The following OSBPL9 variants were observed in gnomAD, a reference collection of about 807,000 sequenced individuals.
OSBPL9 encodes oxysterol-binding protein-related protein 9.
OSBPL9 carries 40 observed loss-of-function variants against 106.6 expected under a neutral mutation model. That is an observed-to-expected ratio of 0.38 (90% CI 0.29 to 0.49). The LOEUF (loss-of-function observed/expected upper bound fraction) is 0.49. Ranked by LOEUF, OSBPL9 falls within the 20% of genes least tolerant of loss-of-function variation. OSBPL9 has a pLI of 0.97. For missense variants in OSBPL9, 609 were observed against 887.2 expected (o/e 0.69, Z 3.98); for synonymous variants, 269 against 295.4 (o/e 0.91, Z 0.92).
At chr1:51,618,091 C>T (rs1271100761) in intron 1 of OSBPL9, among the ~76,000 whole-genome samples, 1 of 151,884 alleles carries the variant, frequency 6.6e-6, no homozygotes, top group Admixed American at 6.6e-5. Flanking sequence ...CATCTCGGCT[C>T]ACTGCAACTT....
At chr1:51,756,204 A>G (rs563777471) in intron 8 of OSBPL9, 116 bp from the exon 9 acceptor site, 1 of 814,258 alleles carries the variant, frequency 1.2e-6, no homozygotes, top group South Asian at 1.6e-5. Flanking sequence ...GGAGGCAGAT[A>G]AATCATGTTC....
the OSBPL9 span, among the ~76,000 whole-genome samples, chr1:51,535,927 G>T: frequency 6.6e-6 from 1 of 151,952 alleles, no homozygotes; most frequent in Non-Finnish European, 1.5e-5. Context: ...AAGAGCTGCA[G>T]AAATATTACA....
In OSBPL9 at chr1:51,680,492, T is replaced by TA. The variant is rs914273582; in HGVS notation, c.241+10989dup. On this transcript the variant is annotated intron_variant, in intron 3 of 23. Transcript: ENST00000428468. ...CAACATGGTGAAACCCTGTCTCTAC[T>TA]AAAAAAAAAGAAAAAAAAATTTAGC... 1.4e-4 allele frequency among the ~76,000 whole-genome samples: 21 copies of TA among 149,150 alleles called. No homozygotes were observed. In the East Asian group the frequency reaches 2.2e-3, roughly 15 times the overall value.
rs146521235 is a variant in OSBPL9 at position 51,681,728 on chromosome 1, C to A, written c.241+12216C>A. The stretch of plus-strand genomic sequence containing the variant: ...GAATTGGTTCCAGGACCCCCACTCC[C>A]CACCCCCAGTACCAAAATCGCAGAT... On this transcript the variant is annotated intron_variant, in intron 3 of 23. Coordinates refer to ENST00000428468, the MANE Select transcript of OSBPL9 (RefSeq NM_024586.6). Among the ~76,000 whole-genome samples the A allele has an allele frequency of 2.3e-3, 356 of 152,198 alleles. 1 individual carries two copies. The highest frequency in any genetic ancestry group is 8.2e-3 in the African/African-American group (341 of 41,526).
chr1:51,615,256 AAAAC>A (rs1481801032), upstream of OSBPL9, among the ~76,000 whole-genome samples: 1 of 142,318 alleles, frequency 7.0e-6, no homozygotes, highest in Non-Finnish European at 1.5e-5. Context: ...CCATCTCAAA[AAAAC>A]AAAACAAAAC....
intron 1 of OSBPL9, among the ~76,000 whole-genome samples, chr1:51,620,574 A>G (rs1456219486): frequency 6.6e-6 from 1 of 152,194 alleles, no homozygotes; most frequent in Non-Finnish European, 1.5e-5. Context: ...GATTAGCCGT[A>G]TGAGCAGAGA....
At chr1:51,564,719 C>T in the OSBPL9 span, among the ~76,000 whole-genome samples, 8 of 152,180 alleles carry the variant, frequency 5.3e-5, no homozygotes, top group Admixed American at 3.3e-4. Flanking sequence ...TTTATGATTC[C>T]TAAGACAGAC....
intron 2 of OSBPL9, among the ~76,000 whole-genome samples, chr1:51,656,945 T>G (rs1646856841): frequency 6.6e-6 from 1 of 152,088 alleles, no homozygotes; most frequent in Non-Finnish European, 1.5e-5. Context: ...CCCAAAGCAT[T>G]GGAAATTACA....
chr1:51,596,737 G>A (rs752454582), intron 1 of OSBPL9, among the ~76,000 whole-genome samples: 2 of 152,012 alleles, frequency 1.3e-5, no homozygotes, highest in Admixed American at 6.6e-5. Context: ...CTGAGATCGT[G>A]CCACTGCACT....
At chr1:51,752,682 C>G (rs1669521399) in intron 8 of OSBPL9, 1 of 396,564 alleles carries the variant, frequency 2.5e-6, no homozygotes, top group Non-Finnish European at 5.0e-6. Flanking sequence ...GAGGGTCCTT[C>G]TCTTGGCCTG....
At chr1:51,565,368 C>T in the OSBPL9 span, among the ~76,000 whole-genome samples, 1 of 152,142 alleles carries the variant, frequency 6.6e-6, no homozygotes, top group Non-Finnish European at 1.5e-5. Flanking sequence ...CCTAACTAAC[C>T]ACTGTGCCTT....
At chr1:51,603,119 T>C (rs368572656) in intron 2 of OSBPL9, among the ~76,000 whole-genome samples, 2 of 152,158 alleles carry the variant, frequency 1.3e-5, no homozygotes, top group Non-Finnish European at 2.9e-5. Flanking sequence ...CGTGCCACTG[T>C]ACTCCAGCCT....
At chr1:51,645,262 C>T (rs144762424) in intron 1 of OSBPL9, among the ~76,000 whole-genome samples, 2 of 152,304 alleles carry the variant, frequency 1.3e-5, no homozygotes, top group African/African-American at 4.8e-5. Context: ...CACTTATCAC[C>T]AGCTGAAACT....
the OSBPL9 span, among the ~76,000 whole-genome samples, chr1:51,535,499 G>C: frequency 3.9e-5 from 6 of 152,020 alleles, no homozygotes; most frequent in African/African-American, 1.4e-4. Context: ...ATTTTCTAAA[G>C]AGTTATCTCC....
chr1:51,637,590 A>G (rs533567340), intron 1 of OSBPL9, among the ~76,000 whole-genome samples: 15 of 152,388 alleles, frequency 9.8e-5, no homozygotes, highest in Admixed American at 9.1e-4. Context: ...TGTCTGGCAC[A>G]TAAGTGCTCA....
At chr1:51,680,737 A>C (rs2148798119) in intron 3 of OSBPL9, among the ~76,000 whole-genome samples, 1 of 152,308 alleles carries the variant, frequency 6.6e-6, no homozygotes, top group African/African-American at 2.4e-5. Flanking sequence ...TTAGCCACTC[A>C]TCTGTATTGT....
chr1:51,672,061 C>A (rs1163175393), intron 3 of OSBPL9, among the ~76,000 whole-genome samples: 2 of 152,120 alleles, frequency 1.3e-5, no homozygotes, highest in East Asian at 3.9e-4. Context: ...GGAAGTCCAA[C>A]CATATGAGGC....
the OSBPL9 span, among the ~76,000 whole-genome samples, chr1:51,531,597 T>C: frequency 6.6e-6 from 1 of 152,230 alleles, no homozygotes; most frequent in African/African-American, 2.4e-5. Context: ...AGTAAGACTA[T>C]GGAAGAAGCC....
chr1:51,536,153 A>G, the OSBPL9 span, among the ~76,000 whole-genome samples: 1 of 152,182 alleles, frequency 6.6e-6, no homozygotes, highest in Non-Finnish European at 1.5e-5. Context: ...TTAAATTGAC[A>G]TAGTGCTTAT....
Sources: gnomAD v4.1 joint callset for allele counts (sites outside exome capture counted in the v4.1 genomes callset) on GRCh38, gnomAD v4.1.1 for gene constraint, MANE v1.5 for transcripts, NCBI Gene and HGNC (gene_info 2026-07-23, HGNC 2026-07-21) for gene names.